Variants in CDH1 observed in about 807,000 individuals in gnomAD.
The protein encoded by CDH1 is cadherin-1.
CDH1 carries 35 observed loss-of-function variants against 84.5 expected under a neutral mutation model. The observed-to-expected ratio is 0.41, with a 90% CI of 0.32 to 0.55. CDH1 has a LOEUF of 0.55. CDH1 is among the 20% of genes least tolerant of loss of function. CDH1 has a pLI of 0.19. For synonymous variants in CDH1, 417 were observed against 439.0 expected, an observed-to-expected ratio of 0.95 and a Z score of 0.63; for missense variants, 994 against 1,126.6, an observed-to-expected ratio of 0.88 and a Z score of 1.68.
chr16:68,792,728 G>C (rs34332230), intron 2 of CDH1, among the ~76,000 whole-genome samples: 4,254 of 152,276 alleles, frequency 0.028, 190 homozygotes, highest in African/African-American at 0.096. Flanking sequence ...AGTCAAGGGC[G>C]ATGGCTTACA....
chr16:68,763,897 G>A (rs72787251), intron 2 of CDH1, among the ~76,000 whole-genome samples: 8,764 of 152,244 alleles, frequency 0.058, 323 homozygotes, highest in Non-Finnish European at 0.084. Flanking sequence ...AGCCCATCCT[G>A]TGCTGGAACT....
chr16:68,829,570 A>G lies in CDH1; in HGVS notation c.2296-84A>G, dbSNP rs562236192. ...TTGGCAGTGAAGGCATCATCCAACC[A>G]TAATCTATAAACTGAACATAGCCCT... is the stretch of plus-strand genomic sequence containing the variant. On this transcript the variant is annotated intron_variant, in intron 14 of 15. Transcript: ENST00000261769. 4.1e-4 allele frequency: 557 copies of G among 1,362,570 alleles called. 11 individuals are homozygous for G. The South Asian group carries it at 6.3e-3, about 15-fold the overall frequency. 84.4% of individuals were successfully genotyped at this position (1,362,570 alleles called of 1,614,324 possible).
intron 2 of CDH1, among the ~76,000 whole-genome samples, chr16:68,800,309 G>A (rs754462040): frequency 1.8e-4 from 28 of 152,136 alleles, no homozygotes; most frequent in Non-Finnish European, 3.7e-4. Context: ...CAGGATGTCA[G>A]GTAAATTTCT....
Position 68,829,640 on chromosome 16 carries a change from T to A in CDH1, c.2296-14T>A, listed in dbSNP as rs755950355. The A allele has an allele frequency of 1.9e-6, 3 of 1,612,860 alleles. No homozygotes were observed. Among genetic ancestry groups the A allele is most frequent in the Non-Finnish European group, 1.7e-6 (2 of 1,179,120 alleles). ...TCCTACTCTTCATTGTACTTCAACC[T>A]TTTTTCTCCAAAGGACTTTGACTTG... On this transcript the variant is annotated splice_polypyrimidine_tract_variant and intron_variant, in intron 14 of 15. Transcript: ENST00000261769.
intron 2 of CDH1, among the ~76,000 whole-genome samples, chr16:68,760,480 C>G (rs533564417): frequency 1.3e-5 from 2 of 151,942 alleles, no homozygotes; most frequent in African/African-American, 2.4e-5. Flanking sequence ...AAAGTATAAC[C>G]GTCTCCTGCC....
At position 68,833,414 on chromosome 16, in the gene CDH1, A is replaced by G; in HGVS notation, c.2564A>G (p.Lys855Arg). 1 of 1,614,208 alleles carries G rather than the reference A, an allele frequency of 6.2e-7. No individual in the cohort carries two copies. The change falls in exon 16 of 16, where the codon AAA (lysine) becomes AGA (arginine). Residue 855 changes from lysine to arginine, a missense_variant. Around this residue, in one of 3 missense-constraint regions of CDH1, gnomAD observed 769 missense variants for 881.8 expected, o/e 0.87. Transcript: ENST00000261769. ...TCCCTGAACTCCTCAGAGTCAGACAAAGACCAGGACTATGACTACTTGAAC... is the reference window on the plus strand; with the variant it reads ...TCCCTGAACTCCTCAGAGTCAGACAGAGACCAGGACTATGACTACTTGAAC... ...LSSLNSSESD[K>R]DQDYDYLNEW... is the part of the protein sequence containing the mutation.
At chr16:68,824,913 G>A (rs1961277708) in intron 13 of CDH1, among the ~76,000 whole-genome samples, 1 of 152,152 alleles carries the variant, frequency 6.6e-6, no homozygotes, top group South Asian at 2.1e-4. Flanking sequence ...CTTTAAACAT[G>A]TGAATGATGG....
At chr16:68,827,114 T>C (rs1018775426) in intron 13 of CDH1, among the ~76,000 whole-genome samples, 20 of 151,794 alleles carry the variant, frequency 1.3e-4, no homozygotes, top group African/African-American at 4.6e-4. Context: ...CTACTAAAAA[T>C]ACAAAAATTA....
At position 68,745,550 on chromosome 16, in the gene CDH1, A is replaced by AAAATATATATATATATG. The variant is rs71253605; in HGVS notation, c.163+7139_163+7140insAAATATATATATATATG. Among the ~76,000 whole-genome samples the AAAATATATATATATATG allele has an allele frequency of 7.2e-3, 363 of 50,442 alleles. 9 individuals are homozygous for AAAATATATATATATATG. Among genetic ancestry groups the AAAATATATATATATATG allele is most frequent in the Non-Finnish European group, 9.5e-3 (288 of 30,234 alleles). The allele number at this position is 50,442 out of a possible 152,430, so 33.1% of individuals were successfully genotyped here. On this transcript the variant is annotated intron_variant, in intron 2 of 15. Coordinates refer to ENST00000261769, the MANE Select transcript of CDH1 (RefSeq NM_004360.5). ...TCCTGTCTCAAAAAAAAAAAAAAAA[A>AAAATATATATATATATG]TATATATATATATGTATATATATAT...
chr16:68,745,584 A>ATAT (rs139609658), intron 2 of CDH1, among the ~76,000 whole-genome samples: 13 of 45,304 alleles, frequency 2.9e-4, no homozygotes, highest in Admixed American at 8.3e-4. Flanking sequence ...ATGTATGTGT[A>ATAT]ATATATGTGT....
chr16:68,818,859 AAAAAAAAAAAAG>A (rs1961058063), intron 10 of CDH1, among the ~76,000 whole-genome samples: 1 of 150,562 alleles, frequency 6.6e-6, no homozygotes, highest in Non-Finnish European at 1.5e-5. Context: ...CAAAAAAAAA[AAAAAAAAAAAAG>A]AAAGAAAGGG....
At chr16:68,817,967 G>A (rs1413568059) in intron 10 of CDH1, among the ~76,000 whole-genome samples, 1 of 151,988 alleles carries the variant, frequency 6.6e-6, no homozygotes, top group African/African-American at 2.4e-5. Context: ...GACTGGTCAC[G>A]GTGGCTCACA....
chr16:68,810,316 G>A lies in CDH1; in HGVS notation c.807G>A (p.Gly269=), dbSNP rs1399656182. The A allele has an allele frequency of 6.2e-7, 1 of 1,613,930 alleles. No individual in the cohort carries two copies. The highest frequency in any genetic ancestry group is 1.3e-5 in the African/African-American group (1 of 74,896). Residue 269 remains glycine, a synonymous_variant, in exon 6 of 16, where the codon GGG becomes GGA. Transcript: ENST00000261769. Reference sequence around the variant, plus strand: ...AATTCACCCAGGAGGTCTTTAAGGGGTCTGTCATGGAAGGTGCTCTTCCAG... The same window carrying A: ...AATTCACCCAGGAGGTCTTTAAGGGATCTGTCATGGAAGGTGCTCTTCCAG... ...KPEFTQEVFK[G]SVMEGALPGT...
intron 2 of CDH1, among the ~76,000 whole-genome samples, chr16:68,785,500 GTC>G (rs1960021475): frequency 1.3e-5 from 2 of 152,174 alleles, no homozygotes; most frequent in Admixed American, 1.3e-4. Context: ...CCAAGACAGA[GTC>G]TTGTTCTGTG....
chr16:68,746,623 C>G (rs994865318), intron 2 of CDH1, among the ~76,000 whole-genome samples: 4 of 152,014 alleles, frequency 2.6e-5, no homozygotes, highest in Non-Finnish European at 5.9e-5. Flanking sequence ...TCTGCCATGC[C>G]CAGGATTGAG....
intron 13 of CDH1, among the ~76,000 whole-genome samples, chr16:68,827,068 T>TGAGACCAGCCTGGGCAACATAGTG (rs1961340305): frequency 6.6e-6 from 1 of 152,026 alleles, no homozygotes; most frequent in Non-Finnish European, 1.5e-5. Context: ...GTCAGGAGTT[T>TGAGACCAGCCTGGGCAACATAGTG]GAGACCAGCC....
Position 68,829,779 on chromosome 16 carries a change from T to C in CDH1, c.2421T>C (p.Ile807=), listed in dbSNP as rs761852331. 1 of 1,613,840 alleles carries C rather than the reference T, an allele frequency of 6.2e-7. No homozygotes were observed. Among genetic ancestry groups the C allele is most frequent in the African/African-American group, 1.3e-5 (1 of 74,872 alleles). The change falls in exon 15 of 16, where the codon ATT becomes ATC. Residue 807 remains isoleucine, a synonymous_variant. Transcript: ENST00000261769. ...CCCGCCCTGCCAATCCCGATGAAAT[T>C]GGAAATTTTATTGATGAAGTAAGTA... ...YLPRPANPDE[I]GNFIDENLKA... is the part of the protein sequence containing the mutation.
At chr16:68,783,000 AAC>A (rs1265735293) in intron 2 of CDH1, among the ~76,000 whole-genome samples, 2 of 152,190 alleles carry the variant, frequency 1.3e-5, no homozygotes, top group Non-Finnish European at 2.9e-5. Flanking sequence ...CATTTCTGAA[AAC>A]ACAACTGAAA....
At chr16:68,742,976 TGGAGGTGC>T (rs1410123901) in intron 2 of CDH1, among the ~76,000 whole-genome samples, 1 of 152,206 alleles carries the variant, frequency 6.6e-6, no homozygotes, top group Non-Finnish European at 1.5e-5. Flanking sequence ...TTTGTGTCTC[TGGAGGTGC>T]GGAGGTGGAA....
Sources: gnomAD v4.1 joint callset for allele counts (sites outside exome capture counted in the v4.1 genomes callset) on GRCh38, gnomAD v4.1.1 for gene constraint, gnomAD v4.1.1 regional missense constraint, MANE v1.5 for transcripts, NCBI Gene and HGNC (gene_info 2026-07-23, HGNC 2026-07-21) for gene names.